PCDH15: variants seen among roughly 807,000 people sequenced by gnomAD.
PCDH15 encodes the protein protocadherin related 15, also known as protocadherin-15.
A neutral mutation model predicts 178.5 loss-of-function variants in PCDH15; 129 were observed. The ratio of observed to expected loss-of-function variants is 0.72; its 90% CI spans 0.63 to 0.84. The LOEUF (loss-of-function observed/expected upper bound fraction) is 0.84, where lower values mean the gene tolerates loss of function less well. PCDH15 is among the 40% of genes least tolerant of loss of function. PCDH15 has a pLI of 0.00. For synonymous variants in PCDH15, 800 were observed against 732.0 expected, an observed-to-expected ratio of 1.09 and a Z score of -1.50; for missense variants, 2,230 against 2,099.9, an observed-to-expected ratio of 1.06 and a Z score of -1.21.
intron 2 of PCDH15, among the ~76,000 whole-genome samples, chr10:55,421,656 T>C (rs971227686): frequency 1.3e-5 from 2 of 151,382 alleles, no homozygotes; most frequent in African/African-American, 4.8e-5. Flanking sequence ...TATTAACATA[T>C]TCCAAATTAA....
At chr10:55,131,465 G>A (rs977666332) in intron 2 of PCDH15, among the ~76,000 whole-genome samples, 41 of 152,256 alleles carry the variant, frequency 2.7e-4, no homozygotes, top group African/African-American at 8.4e-4. Context: ...GGTGAGTGGC[G>A]GTGGAGGTAT....
At chr10:54,901,517 C>A (rs1445441592) in intron 2 of PCDH15, among the ~76,000 whole-genome samples, 1 of 151,950 alleles carries the variant, frequency 6.6e-6, no homozygotes, top group Non-Finnish European at 1.5e-5. Flanking sequence ...CATGAATTTG[C>A]CTTATATTTT....
intron 9 of PCDH15, among the ~76,000 whole-genome samples, chr10:54,230,397 A>G (rs1226955517): frequency 6.6e-6 from 1 of 152,182 alleles, no homozygotes; most frequent in Non-Finnish European, 1.5e-5. Flanking sequence ...AAAAGGAAAC[A>G]GAAAAATATG....
intron 13 of PCDH15, among the ~76,000 whole-genome samples, chr10:54,165,995 C>G (rs1217784237): frequency 6.6e-6 from 1 of 152,166 alleles, no homozygotes; most frequent in Non-Finnish European, 1.5e-5. Flanking sequence ...AAAAGCCTGT[C>G]ATGACAAAGG....
chr10:54,132,814 T>G, intron 15 of PCDH15, 61 bp downstream of exon 15: 1 of 1,557,012 alleles, frequency 6.4e-7, no homozygotes. Flanking sequence ...ACTCATTAAA[T>G]GCCAAGCTTG....
rs373818298 is a variant in PCDH15 at position 54,476,027 on chromosome 10, C to CAT, written c.157+51783_157+51784dup. On this transcript the variant is annotated intron_variant, in intron 3 of 37. Transcript: ENST00000644397. Reference sequence around the variant, plus strand: ...TGCATATATATATGCATAGTGATTACATATATATATATATATGCATAGTGA... The same window carrying CAT: ...TGCATATATATATGCATAGTGATTACATATATATATATATATATGCATAGTGA... Among the ~76,000 whole-genome samples, 830 of 134,462 alleles carry CAT rather than the reference C, an allele frequency of 6.2e-3. 4 individuals are homozygous for CAT. Among genetic ancestry groups the CAT allele is most frequent in the Middle Eastern group, 0.019 (5 of 270 alleles). The allele number at this position is 134,462 out of a possible 152,430, so 88.2% of individuals were successfully genotyped here.
intron 2 of PCDH15, among the ~76,000 whole-genome samples, chr10:55,552,196 T>A (rs1277531185): frequency 6.6e-6 from 1 of 151,698 alleles, no homozygotes; most frequent in Non-Finnish European, 1.5e-5. Context: ...AATTTCAAAC[T>A]TCCTTTAATA....
At chr10:54,594,821 A>G (rs1407671485) in intron 2 of PCDH15, among the ~76,000 whole-genome samples, 2 of 152,156 alleles carry the variant, frequency 1.3e-5, no homozygotes, top group Admixed American at 1.3e-4. Flanking sequence ...ATTGGAGGGC[A>G]TATAGTTTGA....
At chr10:55,580,328 C>A (rs1842585254) in intron 2 of PCDH15, among the ~76,000 whole-genome samples, 2 of 151,186 alleles carry the variant, frequency 1.3e-5, no homozygotes, top group African/African-American at 2.4e-5. Flanking sequence ...AAATATATGG[C>A]TATATGGCTT....
Position 55,192,754 on chromosome 10 carries a change from T to TAC in PCDH15, c.-155-26105_-155-26104dup, listed in dbSNP as rs370934354. ...CTCTCTCTCTCTCTATATATATATATACATATAGATACATGCACAAAGACA... is the reference window on the plus strand; with the variant it reads ...CTCTCTCTCTCTCTATATATATATATACACATATAGATACATGCACAAAGACA... On this transcript the variant is annotated intron_variant, in intron 1 of 5. Coordinates refer to the PCDH15 transcript ENST00000458638. Among the ~76,000 whole-genome samples, 541 of 149,530 alleles carry TAC rather than the reference T, an allele frequency of 3.6e-3. 3 individuals carry two copies. Among genetic ancestry groups the TAC allele is most frequent in the East Asian group, 0.026 (133 of 5,024 alleles).
At chr10:54,554,212 C>T (rs77809196) in intron 2 of PCDH15, among the ~76,000 whole-genome samples, 434 of 152,184 alleles carry the variant, frequency 2.9e-3, no homozygotes, top group Admixed American at 8.4e-3. Context: ...GGCCCCTTAC[C>T]TCCTGGATTA....
intron 3 of PCDH15, among the ~76,000 whole-genome samples, chr10:54,407,855 A>G (rs935449638): frequency 6.6e-6 from 1 of 152,110 alleles, no homozygotes; most frequent in Non-Finnish European, 1.5e-5. Flanking sequence ...CAGGAGTTCC[A>G]GACCAGCCTG....
intron 25 of PCDH15, 140 bp from the exon 26 acceptor site, chr10:53,903,510 C>A (rs1013814732): frequency 2.6e-5 from 23 of 878,404 alleles, no homozygotes; most frequent in Admixed American, 1.0e-4. Flanking sequence ...ATGCCTAGCA[C>A]CCCCAAATTC....
At chr10:54,334,682 AACACACACAC>A (rs3069761) in intron 6 of PCDH15, among the ~76,000 whole-genome samples, 6 of 150,042 alleles carry the variant, frequency 4.0e-5, no homozygotes, top group Admixed American at 1.3e-4. Context: ...ATTTCTAAAG[AACACACACAC>A]ACACACACAC....
At chr10:55,439,411 GCGCAAGAGCCA>G (rs775476006) in intron 2 of PCDH15, among the ~76,000 whole-genome samples, 123 of 152,106 alleles carry the variant, frequency 8.1e-4, no homozygotes, top group Non-Finnish European at 1.5e-3. Context: ...TTAACATTGT[GCGCAAGAGCCA>G]CTATTACCAG....
chr10:55,333,001 C>T (rs1844252229), intron 2 of PCDH15, among the ~76,000 whole-genome samples: 1 of 152,070 alleles, frequency 6.6e-6, no homozygotes, highest in South Asian at 2.1e-4. Context: ...TACATGACAA[C>T]AGAAAACTAT....
At chr10:55,371,297 A>G (rs1034876458) in intron 2 of PCDH15, among the ~76,000 whole-genome samples, 5 of 152,068 alleles carry the variant, frequency 3.3e-5, no homozygotes, top group African/African-American at 1.2e-4. Flanking sequence ...GCTAAAATTA[A>G]AATTCTTGAG....
At chr10:55,586,689 A>G (rs1842732940) in intron 2 of PCDH15, among the ~76,000 whole-genome samples, 1 of 152,180 alleles carries the variant, frequency 6.6e-6, no homozygotes, top group African/African-American at 2.4e-5. Context: ...CTTAAGTTCT[A>G]ACAAATGTAT....
chr10:55,308,895 T>C (rs1012312577), intron 1 of PCDH15, among the ~76,000 whole-genome samples: 9 of 152,214 alleles, frequency 5.9e-5, no homozygotes, highest in Non-Finnish European at 8.8e-5. Flanking sequence ...CATGTTCAAT[T>C]TGGAGGTCAG....
Sources: gnomAD v4.1 joint callset for allele counts (sites outside exome capture counted in the v4.1 genomes callset) on GRCh38, gnomAD v4.1.1 for gene constraint, MANE v1.5 for transcripts, NCBI Gene and HGNC (gene_info 2026-07-23, HGNC 2026-07-21) for gene names.